Variants in CTNND2 observed in about 807,000 individuals in gnomAD.
CTNND2 encodes catenin delta 2.
A neutral mutation model predicts 144.4 loss-of-function variants in CTNND2; 22 were observed. The ratio of observed to expected loss-of-function variants is 0.15; its 90% confidence interval spans 0.11 to 0.22. CTNND2 has a LOEUF of 0.22. Among genes scored for constraint, CTNND2 ranks in the 10% least tolerant of loss-of-function variants. The pLI is 1.00. For synonymous variants in CTNND2, 751 were observed against 695.6 expected (o/e 1.08, Z -1.25); for missense variants, 1,353 against 1,618.8 (o/e 0.84, Z 2.82).
intron 2 of CTNND2, among the ~76,000 whole-genome samples, chr5:11,677,023 G>A (rs533277418): frequency 1.3e-5 from 2 of 152,160 alleles, no homozygotes; most frequent in East Asian, 1.9e-4. Context: ...TTCTGAACTG[G>A]CTTGCTTAAC....
At chr5:11,397,353 A>G (rs1327781307) in intron 5 of CTNND2, 150 bp from the exon 6 acceptor site, 29 of 604,802 alleles carry the variant, frequency 4.8e-5, no homozygotes, top group Non-Finnish European at 2.6e-5. Context: ...TGACCATATA[A>G]TTTGACTCCA....
chr5:11,857,929 G>T (rs1795327747), intron 1 of CTNND2, among the ~76,000 whole-genome samples: 1 of 152,166 alleles, frequency 6.6e-6, no homozygotes, highest in South Asian at 2.1e-4. Context: ...CTGTGAAATG[G>T]AAAAGAGAAC....
At chr5:11,365,616 A>G (rs1050001397) in intron 7 of CTNND2, among the ~76,000 whole-genome samples, 7 of 152,178 alleles carry the variant, frequency 4.6e-5, no homozygotes, top group Non-Finnish European at 8.8e-5. Context: ...GTGTCACTTC[A>G]TTGCATGATA....
intron 1 of CTNND2, among the ~76,000 whole-genome samples, chr5:11,889,865 C>A (rs941662020): frequency 6.6e-6 from 1 of 152,152 alleles, no homozygotes; most frequent in Non-Finnish European, 1.5e-5. Flanking sequence ...TGTTTTCAAC[C>A]TTTATCACTC....
chr5:11,434,109 G>T (rs2149879551), intron 3 of CTNND2, among the ~76,000 whole-genome samples: 1 of 152,328 alleles, frequency 6.6e-6, no homozygotes, highest in South Asian at 2.1e-4. Flanking sequence ...ACAATCTGTA[G>T]TATATTTATA....
chr5:11,221,302 A>G (rs1739767420), intron 10 of CTNND2, among the ~76,000 whole-genome samples: 1 of 152,230 alleles, frequency 6.6e-6, no homozygotes, highest in African/African-American at 2.4e-5. Context: ...GCACCTGTTC[A>G]AGTCAGGGAG....
chr5:11,704,482 C>A (rs932736275), intron 2 of CTNND2, among the ~76,000 whole-genome samples: 3 of 152,136 alleles, frequency 2.0e-5, no homozygotes, highest in African/African-American at 7.2e-5. Context: ...GAAAGCACCT[C>A]AGTCACAGAG....
At chr5:11,117,830 G>A (rs191610958) in intron 12 of CTNND2, among the ~76,000 whole-genome samples, 2 of 152,328 alleles carry the variant, frequency 1.3e-5, no homozygotes, top group African/African-American at 4.8e-5. Flanking sequence ...TCCCATGACC[G>A]TGGAGGGTGG....
intron 1 of CTNND2, among the ~76,000 whole-genome samples, chr5:11,872,219 T>C (rs1326939166): frequency 6.6e-6 from 1 of 152,216 alleles, no homozygotes; most frequent in African/African-American, 2.4e-5. Context: ...GAATTCATCC[T>C]TTTTTATGGC....
chr5:11,666,857 T>C (rs1472875815), intron 2 of CTNND2, among the ~76,000 whole-genome samples: 3 of 152,106 alleles, frequency 2.0e-5, no homozygotes, highest in Non-Finnish European at 4.4e-5. Flanking sequence ...GCCATGGTGG[T>C]TTACTGCACC....
At chr5:11,503,500 G>T (rs762202073) in intron 3 of CTNND2, among the ~76,000 whole-genome samples, 4 of 152,114 alleles carry the variant, frequency 2.6e-5, no homozygotes, top group Non-Finnish European at 5.9e-5. Flanking sequence ...AATGAATTTC[G>T]TGAGCTGCCA....
chr5:11,892,837 G>A (rs955000949), intron 1 of CTNND2, among the ~76,000 whole-genome samples: 1 of 152,136 alleles, frequency 6.6e-6, no homozygotes, highest in Non-Finnish European at 1.5e-5. Flanking sequence ...TGAACACGAC[G>A]AAATCTACTA....
chr5:11,321,084 G>C lies in CTNND2; in HGVS notation c.1628+25288C>G, dbSNP rs114269007. ...GCTAAATAACACATTCTAAAGACCA[G>C]TTTTATCATCTTTCTACTGTTCGTA... On this transcript the variant is annotated intron_variant, in intron 9 of 21. Transcript: ENST00000304623. Among the ~76,000 whole-genome samples the C allele has an allele frequency of 4.6e-3, 699 of 152,202 alleles. 2 individuals are homozygous for C. Among genetic ancestry groups the C allele is most frequent in the South Asian group, 0.028 (137 of 4,818 alleles).
intron 3 of CTNND2, among the ~76,000 whole-genome samples, chr5:11,541,763 C>T (rs1321705407): frequency 2.0e-5 from 3 of 151,870 alleles, no homozygotes; most frequent in East Asian, 3.9e-4. Context: ...ATCAGACCCC[C>T]GCAGTCTGTG....
At chr5:11,119,164 G>T (rs1417167744) in intron 12 of CTNND2, among the ~76,000 whole-genome samples, 1 of 152,090 alleles carries the variant, frequency 6.6e-6, no homozygotes, top group African/African-American at 2.4e-5. Context: ...AGGGCTTCAG[G>T]CCTGTTGTCA....
At chr5:11,720,528 GC>G (rs1013926758) in intron 2 of CTNND2, among the ~76,000 whole-genome samples, 1 of 152,112 alleles carries the variant, frequency 6.6e-6, no homozygotes, top group East Asian at 1.9e-4. Flanking sequence ...AGCTCCTACA[GC>G]CCCCCTTCCT....
At chr5:11,879,341 G>GTGTGTATA in intron 1 of CTNND2, among the ~76,000 whole-genome samples, 2 of 109,332 alleles carry the variant, frequency 1.8e-5, no homozygotes, top group African/African-American at 6.0e-5. Flanking sequence ...TTAAATGTGT[G>GTGTGTATA]TATATATATA....
chr5:11,404,458 C>T (rs1374380071), intron 5 of CTNND2, among the ~76,000 whole-genome samples: 4 of 152,052 alleles, frequency 2.6e-5, no homozygotes, highest in African/African-American at 9.7e-5. Context: ...TTAATACATA[C>T]ATTTAACAAA....
At chr5:11,491,209 G>C (rs1299692630) in intron 3 of CTNND2, among the ~76,000 whole-genome samples, 2 of 152,110 alleles carry the variant, frequency 1.3e-5, no homozygotes, top group Admixed American at 6.6e-5. Context: ...TCCTGTCCTG[G>C]TTCCAGTTGC....
Sources: allele counts gnomAD v4.1 joint callset (sites outside exome capture counted in the v4.1 genomes callset), GRCh38; gene constraint gnomAD v4.1.1; transcripts MANE v1.5; gene names NCBI Gene and HGNC (gene_info 2026-07-23, HGNC 2026-07-21).